Variants in ZNF407 observed in about 807,000 individuals in gnomAD.
The protein encoded by ZNF407 is zinc finger protein 407.
ZNF407 carries 17 observed loss-of-function variants against 131.2 expected under a neutral mutation model. The ratio of observed to expected loss-of-function variants is 0.13; its 90% CI spans 0.09 to 0.19. The LOEUF is 0.19. Among genes scored for constraint, ZNF407 ranks in the 10% least tolerant of loss-of-function variants. The pLI is 1.00. For synonymous variants in ZNF407, 1,156 were observed against 1,062.0 expected, an observed-to-expected ratio of 1.09 and a Z score of -1.72; for missense variants, 2,681 against 2,830.6, an observed-to-expected ratio of 0.95 and a Z score of 1.20.
chr18:74,888,271 A>G (rs1201148600), intron 6 of ZNF407, among the ~76,000 whole-genome samples: 1 of 152,132 alleles, frequency 6.6e-6, no homozygotes. Context: ...GGTATTCTCT[A>G]AATCATTACT....
intron 4 of ZNF407, among the ~76,000 whole-genome samples, chr18:74,860,786 A>G (rs959701719): frequency 5.3e-5 from 8 of 152,120 alleles, no homozygotes; most frequent in African/African-American, 1.9e-4. Flanking sequence ...TAGGACTGTG[A>G]TAAGTCATTG....
At chr18:74,740,157 G>A (rs1008335256) in intron 3 of ZNF407, among the ~76,000 whole-genome samples, 1 of 152,100 alleles carries the variant, frequency 6.6e-6, no homozygotes, top group Non-Finnish European at 1.5e-5. Flanking sequence ...GGAGGTTCTC[G>A]GGAATGCATT....
intron 8 of ZNF407, among the ~76,000 whole-genome samples, chr18:74,962,982 T>C (rs1972364985): frequency 6.6e-6 from 1 of 152,242 alleles, no homozygotes; most frequent in South Asian, 2.1e-4. Context: ...ACAAAGAGAT[T>C]ATCCTGCTCT....
chr18:74,811,266 A>T (rs968777417), intron 4 of ZNF407, among the ~76,000 whole-genome samples: 1 of 152,234 alleles, frequency 6.6e-6, no homozygotes, highest in African/African-American at 2.4e-5. Context: ...CAAAAAACAC[A>T]TGAAAAAATG....
chr18:75,063,022 T>A lies in ZNF407; in HGVS notation c.5429-128T>A, dbSNP rs1330767981. On this transcript the variant is annotated intron_variant, in intron 8 of 8. Coordinates refer to ENST00000299687, the MANE Select transcript of ZNF407 (RefSeq NM_017757.3). The surrounding 1 kb of genome is among the most constrained non-coding windows in gnomAD (Gnocchi z 6.6). ...TGCTGAAGCTTGCACTGTAGAGAGC[T>A]CTTCAGGGTTTGGAATAGGGGGTCG... 2.4e-6 allele frequency: 2 copies of A among 843,540 alleles called. No homozygotes were observed. Among genetic ancestry groups the A allele is most frequent in the Non-Finnish European group, 3.7e-6 (2 of 542,090 alleles). 52.3% of individuals were successfully genotyped at this position (843,540 alleles called of 1,614,324 possible).
chr18:74,805,858 A>G (rs1406114165), intron 4 of ZNF407, among the ~76,000 whole-genome samples: 1 of 152,204 alleles, frequency 6.6e-6, no homozygotes, highest in East Asian at 1.9e-4. Context: ...GCAAATGAAG[A>G]TGTTACGTTG....
chr18:74,734,748 C>T (rs12968200), intron 3 of ZNF407, among the ~76,000 whole-genome samples: 20,738 of 150,690 alleles, frequency 0.14, 2,559 homozygotes, highest in African/African-American at 0.33. Flanking sequence ...AACGTGACTT[C>T]GGGTGTTCTA....
chr18:74,635,547 G>A lies in ZNF407; in HGVS notation c.4528G>A (p.Glu1510Lys). The change falls in exon 2 of 9, where the codon GAG becomes AAG. Residue 1510 changes from glutamate (E) to lysine (K), a missense_variant. By Grantham distance (56) the Glu-to-Lys change is moderately conservative (BLOSUM62 1). Coordinates refer to ENST00000299687, the MANE Select transcript of ZNF407 (RefSeq NM_017757.3). This position sits in a 1 kb window ranked among gnomAD's most constrained non-coding sequence, Gnocchi z 4.7. ...NLFLHIKGQH[E>K]ELLREVNKYI... ...ATTTTTACATATTAAAGGACAGCAT[G>A]AGGAATTGCTGCGGGAGGTGAATAA... 1 of 1,613,744 alleles carries A rather than the reference G, an allele frequency of 6.2e-7. No individual in the cohort carries two copies. Among genetic ancestry groups the A allele is most frequent in the Non-Finnish European group, 8.5e-7 (1 of 1,179,752 alleles).
At chr18:74,965,453 C>T (rs568390468) in intron 8 of ZNF407, among the ~76,000 whole-genome samples, 4 of 152,046 alleles carry the variant, frequency 2.6e-5, no homozygotes, top group African/African-American at 7.2e-5. Context: ...ACATAATGAC[C>T]TCCAGTTCTA....
chr18:74,970,225 A>T (rs1171408134), intron 8 of ZNF407, among the ~76,000 whole-genome samples: 1 of 151,854 alleles, frequency 6.6e-6, no homozygotes, highest in African/African-American at 2.4e-5. Flanking sequence ...GTTCAAGTTA[A>T]GATTTGGATG....
At chr18:74,841,130 G>A (rs1172507056) in intron 4 of ZNF407, among the ~76,000 whole-genome samples, 1 of 152,158 alleles carries the variant, frequency 6.6e-6, no homozygotes, top group Non-Finnish European at 1.5e-5. Flanking sequence ...TTACTATCTG[G>A]ATTATTGCTT....
intron 3 of ZNF407, among the ~76,000 whole-genome samples, chr18:74,742,488 A>G (rs531135150): frequency 1.8e-4 from 27 of 152,214 alleles, no homozygotes; most frequent in Admixed American, 1.6e-3. Context: ...TCAAACTAAT[A>G]TTTTTCAGAG....
chr18:75,046,745 T>C (rs1241291083), intron 8 of ZNF407, among the ~76,000 whole-genome samples: 1 of 151,268 alleles, frequency 6.6e-6, no homozygotes, highest in African/African-American at 2.4e-5. Flanking sequence ...TTTCATAGAG[T>C]TGAATTGAAG....
intron 3 of ZNF407, among the ~76,000 whole-genome samples, chr18:74,739,004 A>G (rs1968485663): frequency 6.6e-6 from 1 of 152,090 alleles, no homozygotes; most frequent in Non-Finnish European, 1.5e-5. Flanking sequence ...ATTTTAAAGA[A>G]TATTATATCT....
chr18:74,738,522 G>A (rs754085961), intron 3 of ZNF407, among the ~76,000 whole-genome samples: 7 of 144,348 alleles, frequency 4.8e-5, no homozygotes, highest in Non-Finnish European at 1.0e-4. Flanking sequence ...GGTGGATCAC[G>A]AGGTCAGGAG....
chr18:74,830,629 TG>T, intron 4 of ZNF407, among the ~76,000 whole-genome samples: 1 of 152,136 alleles, frequency 6.6e-6, no homozygotes, highest in Non-Finnish European at 1.5e-5. Flanking sequence ...GGGCACATAG[TG>T]ATGTTTTGAT....
At chr18:74,887,018 A>T (rs8089151) in intron 6 of ZNF407, among the ~76,000 whole-genome samples, 72,380 of 151,966 alleles carry the variant, frequency 0.48, 18,139 homozygotes, top group African/African-American at 0.62. Context: ...TCATGTGTAC[A>T]GCACTTTGAC....
At chr18:74,994,653 A>C (rs1240653850) in intron 8 of ZNF407, among the ~76,000 whole-genome samples, 1 of 152,220 alleles carries the variant, frequency 6.6e-6, no homozygotes, top group Non-Finnish European at 1.5e-5. Flanking sequence ...TTAGATTCTC[A>C]AACGGTAGGG....
chr18:74,874,066 C>G (rs1971122822), intron 4 of ZNF407, among the ~76,000 whole-genome samples: 1 of 152,096 alleles, frequency 6.6e-6, no homozygotes, highest in African/African-American at 2.4e-5. Flanking sequence ...CATTTCAATT[C>G]TGTTAGCACT....
Sources: allele counts gnomAD v4.1 joint callset (sites outside exome capture counted in the v4.1 genomes callset), GRCh38; gene constraint gnomAD v4.1.1; non-coding constraint Gnocchi (gnomAD v3.1); transcripts MANE v1.5; gene names NCBI Gene and HGNC (gene_info 2026-07-23, HGNC 2026-07-21).